Variants in QKI observed in about 807,000 individuals in gnomAD.
The protein encoded by QKI is QKI, KH domain containing RNA binding.
QKI carries 10 observed loss-of-function variants against 39.0 expected under a neutral mutation model. The observed-to-expected ratio is 0.26, with a 90% CI of 0.16 to 0.43. The LOEUF (loss-of-function observed/expected upper bound fraction) is 0.43. Among genes scored for constraint, QKI ranks in the 20% least tolerant of loss-of-function variants. QKI has a pLI of 1.00. For missense variants in QKI, 218 were observed against 428.0 expected, an observed-to-expected ratio of 0.51 and a Z score of 4.33; for synonymous variants, 204 against 155.4, an observed-to-expected ratio of 1.31 and a Z score of -2.33.
At chr6:163,478,429 A>G (rs945734863) in intron 2 of QKI, among the ~76,000 whole-genome samples, 5 of 152,212 alleles carry the variant, frequency 3.3e-5, no homozygotes, top group African/African-American at 1.2e-4. Context: ...ACAGTTGGAC[A>G]TTTTGTGGAA....
At chr6:163,492,940 GAATT>G (rs1289740950) in intron 3 of QKI, among the ~76,000 whole-genome samples, 1 of 152,082 alleles carries the variant, frequency 6.6e-6, no homozygotes, top group Non-Finnish European at 1.5e-5. Flanking sequence ...ACATAAAAAT[GAATT>G]TTTTCTTAAT....
intron 4 of QKI, among the ~76,000 whole-genome samples, chr6:163,548,076 C>A (rs1347323790): frequency 6.6e-6 from 1 of 152,116 alleles, no homozygotes; most frequent in Non-Finnish European, 1.5e-5. Context: ...TGTATTTTGG[C>A]GATCTCCAGA....
At chr6:163,499,039 A>G (rs567548000) in intron 3 of QKI, among the ~76,000 whole-genome samples, 56 of 152,186 alleles carry the variant, frequency 3.7e-4, no homozygotes, top group African/African-American at 1.3e-3. Context: ...AAGTTTGTGT[A>G]TATTGAACTA....
chr6:163,566,096 A>G (rs1253879086), intron 6 of QKI: 1 of 1,501,956 alleles, frequency 6.7e-7, no homozygotes, highest in Non-Finnish European at 8.9e-7. Flanking sequence ...CTTTTTGCAC[A>G]TAGATATAAA....
chr6:163,415,379 G>A, intron 1 of QKI, 44 bp downstream of exon 1: 1 of 1,553,588 alleles, frequency 6.4e-7, no homozygotes, highest in Non-Finnish European at 8.7e-7. Flanking sequence ...CCCCCGCCGG[G>A]GCGGCCCCTT....
intron 4 of QKI, among the ~76,000 whole-genome samples, chr6:163,550,625 A>G (rs1782167883): frequency 6.6e-6 from 1 of 152,030 alleles, no homozygotes. Flanking sequence ...TACGTACGAA[A>G]TATTTAAAGC....
At chr6:163,498,442 A>G (rs1315011090) in intron 3 of QKI, among the ~76,000 whole-genome samples, 1 of 152,156 alleles carries the variant, frequency 6.6e-6, no homozygotes, top group Non-Finnish European at 1.5e-5. Context: ...AATTATAAAA[A>G]CAGTACAAAG....
intron 1 of QKI, 47 bp from the exon 2 acceptor site, chr6:163,455,232 A>G: frequency 6.5e-7 from 1 of 1,534,584 alleles, no homozygotes; most frequent in Non-Finnish European, 8.9e-7. Context: ...TGGACTAGCA[A>G]GAATATTTTT....
At chr6:163,554,264 G>T (rs1466669048) in intron 4 of QKI, among the ~76,000 whole-genome samples, 1 of 152,106 alleles carries the variant, frequency 6.6e-6, no homozygotes, top group African/African-American at 2.4e-5. Context: ...TGAAAGGAGC[G>T]CACATGGGAA....
intron 3 of QKI, among the ~76,000 whole-genome samples, chr6:163,504,000 C>T (rs924746343): frequency 2.6e-5 from 4 of 152,080 alleles, no homozygotes; most frequent in Non-Finnish European, 5.9e-5. Context: ...GCCTCTGCCT[C>T]CCAAAGTGCT....
rs150264983 is a variant in QKI at position 163,429,526 on chromosome 6, A to T, written c.142+14191A>T. On this transcript the variant is annotated intron_variant, in intron 1 of 7. Transcript: ENST00000361752. ...ACTTAACTAATCTGTTGGACTTGCC[A>T]CTTTGCTTTCAGGAAATGTGTGTAA... 3.8e-4 allele frequency among the ~76,000 whole-genome samples: 58 copies of T among 152,312 alleles called. No individual in the cohort carries two copies. The East Asian group carries it at 6.2e-3, about 16-fold the overall frequency.
intron 3 of QKI, among the ~76,000 whole-genome samples, chr6:163,517,986 C>T (rs1242108022): frequency 6.6e-6 from 1 of 152,060 alleles, no homozygotes; most frequent in Admixed American, 6.6e-5. Context: ...CTGCCCCTGC[C>T]CTACATATTC....
chr6:163,562,060 A>G lies in QKI; in HGVS notation c.625A>G (p.Ile209Val), dbSNP rs199556427. ...GAATGGCACCTACAGAGATGCCAAC[A>G]TTAAATCACGTAAGAATGAGCTCTG... ...ILNGTYRDANIKSPALAFSLA... is the reference protein window; with the variant it reads ...ILNGTYRDANVKSPALAFSLA... Residue 209 changes from isoleucine to valine, a missense_variant, in exon 5 of 8, where the codon ATT (isoleucine) becomes GTT (valine). Around this residue, in one of 3 missense-constraint regions of QKI, gnomAD observed 117 missense variants for 186.0 expected, o/e 0.63. Coordinates refer to ENST00000361752, the MANE Select transcript of QKI (RefSeq NM_006775.3). 3.2e-5 allele frequency: 52 copies of G among 1,611,810 alleles called. No homozygotes were observed. The highest frequency in any genetic ancestry group is 1.2e-4 in the Admixed American group (7 of 59,434).
intron 1 of QKI, among the ~76,000 whole-genome samples, chr6:163,447,825 G>A (rs1790265928): frequency 6.6e-6 from 1 of 152,096 alleles, no homozygotes; most frequent in Admixed American, 6.5e-5. Flanking sequence ...TCCCATGCTT[G>A]CAGTGTTTTG....
At chr6:163,438,427 C>T (rs1368547607) in intron 1 of QKI, among the ~76,000 whole-genome samples, 2 of 152,150 alleles carry the variant, frequency 1.3e-5, no homozygotes, top group African/African-American at 4.8e-5. Context: ...ATAAATGCAT[C>T]ATTATGCTAT....
At chr6:163,491,969 T>C (rs144396707) in intron 3 of QKI, among the ~76,000 whole-genome samples, 147 of 152,356 alleles carry the variant, frequency 9.6e-4, no homozygotes, top group African/African-American at 3.3e-3. Context: ...TATCACTAGA[T>C]GCTCTTAATG....
chr6:163,563,264 C>G (rs1029160912), intron 5 of QKI, among the ~76,000 whole-genome samples, 156 bp from the exon 6 acceptor site: 1 of 152,100 alleles, frequency 6.6e-6, no homozygotes, highest in Non-Finnish European at 1.5e-5. Context: ...GATTGGTGTG[C>G]TTTTGCATTT....
chr6:163,541,581 T>G (rs922407594), intron 4 of QKI, among the ~76,000 whole-genome samples: 1 of 151,552 alleles, frequency 6.6e-6, no homozygotes, highest in Admixed American at 6.6e-5. Context: ...TGTAAAGATA[T>G]ACACACCAGT....
At chr6:163,472,631 A>C (rs1275654290) in intron 2 of QKI, among the ~76,000 whole-genome samples, 1 of 152,234 alleles carries the variant, frequency 6.6e-6, no homozygotes, top group Non-Finnish European at 1.5e-5. Context: ...ACCATATGCT[A>C]TGCTGAAAAG....
Sources: gnomAD v4.1 joint callset for allele counts (sites outside exome capture counted in the v4.1 genomes callset) on GRCh38, gnomAD v4.1.1 for gene constraint, gnomAD v4.1.1 regional missense constraint, MANE v1.5 for transcripts, NCBI Gene and HGNC (gene_info 2026-07-23, HGNC 2026-07-21) for gene names.